The following XIRP2 variants were observed in gnomAD, a reference collection of about 807,000 sequenced individuals.
The protein encoded by XIRP2 is xin actin binding repeat containing 2, also known as xin actin-binding repeat-containing protein 2.
Under a neutral mutation model 277.0 loss-of-function variants are expected in XIRP2, and 236 were observed. That is an observed-to-expected ratio of 0.85 (90% CI 0.77 to 0.95). The LOEUF (loss-of-function observed/expected upper bound fraction) is 0.95. Among genes scored for constraint, XIRP2 ranks in the 40% least tolerant of loss-of-function variants. The pLI, the probability that XIRP2 is intolerant of heterozygous loss-of-function variation, is 0.00. For missense variants in XIRP2, 4,640 were observed against 4,157.5 expected (o/e 1.12, Z -3.19); for synonymous variants, 1,490 against 1,416.5 (o/e 1.05, Z -1.17).
chr2:166,911,265 A>G (rs1256479095), intron 2 of XIRP2, among the ~76,000 whole-genome samples: 1 of 152,016 alleles, frequency 6.6e-6, no homozygotes, highest in Non-Finnish European at 1.5e-5. Flanking sequence ...TTTGTAGGTC[A>G]CTCAGGACTT....
intron 2 of XIRP2, among the ~76,000 whole-genome samples, chr2:167,036,857 T>C (rs768174818): frequency 6.6e-6 from 1 of 152,088 alleles, no homozygotes; most frequent in Non-Finnish European, 1.5e-5. Flanking sequence ...CCAGTGATAT[T>C]CTCATGATAG....
intron 2 of XIRP2, among the ~76,000 whole-genome samples, chr2:167,064,486 T>C (rs538685698): frequency 3.9e-5 from 6 of 152,088 alleles, no homozygotes; most frequent in African/African-American, 1.4e-4. Context: ...AAATTATCTT[T>C]TAATTTTATT....
chr2:167,175,174 A>G (rs540126142), intron 3 of XIRP2, among the ~76,000 whole-genome samples: 2 of 152,090 alleles, frequency 1.3e-5, no homozygotes, highest in Admixed American at 1.3e-4. Flanking sequence ...TACTATTGAC[A>G]GTGGGGTGCT....
chr2:166,890,478 G>C (rs1684074535), intron 1 of XIRP2, among the ~76,000 whole-genome samples: 1 of 152,102 alleles, frequency 6.6e-6, no homozygotes, highest in Admixed American at 6.6e-5. Flanking sequence ...GCACAGAAAA[G>C]GTGAGAACCA....
chr2:166,947,643 A>G (rs1194651366), intron 2 of XIRP2, among the ~76,000 whole-genome samples: 1 of 152,068 alleles, frequency 6.6e-6, no homozygotes, highest in Non-Finnish European at 1.5e-5. Context: ...AGGACCTTTC[A>G]TTTGTTGCTG....
chr2:167,107,168 T>G (rs1275849259), intron 2 of XIRP2, among the ~76,000 whole-genome samples: 2 of 151,758 alleles, frequency 1.3e-5, no homozygotes, highest in Non-Finnish European at 3.0e-5. Context: ...ACCTTTTCAA[T>G]ATTTATGTTT....
At chr2:167,144,445 G>A (rs1691809572) in intron 3 of XIRP2, among the ~76,000 whole-genome samples, 1 of 151,804 alleles carries the variant, frequency 6.6e-6, no homozygotes. Context: ...ACTTTGTACT[G>A]GCTAAGACAA....
intron 2 of XIRP2, among the ~76,000 whole-genome samples, chr2:167,130,833 T>TCTGAA (rs1691352096): frequency 1.3e-5 from 2 of 152,102 alleles, no homozygotes; most frequent in Admixed American, 1.3e-4. Context: ...CTGGCTGAAG[T>TCTGAA]CAGCTATATA....
intron 3 of XIRP2, among the ~76,000 whole-genome samples, chr2:167,155,203 T>G (rs2105335264): frequency 6.6e-6 from 1 of 150,650 alleles, no homozygotes; most frequent in East Asian, 1.9e-4. Context: ...CTGAAACTAT[T>G]CCAATCAATA....
intron 2 of XIRP2, among the ~76,000 whole-genome samples, chr2:167,035,084 C>A (rs188242084): frequency 6.0e-4 from 91 of 152,298 alleles, no homozygotes; most frequent in African/African-American, 1.7e-3. Context: ...GCCTCCCCAG[C>A]CATGTGGAAC....
At chr2:167,133,220 C>A (rs1691437984) in intron 2 of XIRP2, among the ~76,000 whole-genome samples, 1 of 152,170 alleles carries the variant, frequency 6.6e-6, no homozygotes, top group Admixed American at 6.5e-5. Context: ...CAAAGTAAAT[C>A]TTTTGTGGAA....
intron 2 of XIRP2, among the ~76,000 whole-genome samples, chr2:167,081,169 G>A (rs1369340787): frequency 6.6e-6 from 1 of 152,090 alleles, no homozygotes. Flanking sequence ...CCAATGGAAA[G>A]GAATTGAAAT....
chr2:167,232,457 A>G (rs1465938826), intron 5 of XIRP2, among the ~76,000 whole-genome samples: 1 of 151,774 alleles, frequency 6.6e-6, no homozygotes, highest in Admixed American at 6.6e-5. Context: ...AAAAATGTAC[A>G]TATTGGGAGA....
chr2:166,940,397 T>C (rs1482102825), intron 2 of XIRP2, among the ~76,000 whole-genome samples: 1 of 152,232 alleles, frequency 6.6e-6, no homozygotes, highest in Non-Finnish European at 1.5e-5. Flanking sequence ...TTGAACTTCC[T>C]CCTTTAGCTT....
At chr2:166,917,169 G>A (rs1004569827) in intron 2 of XIRP2, among the ~76,000 whole-genome samples, 22 of 152,108 alleles carry the variant, frequency 1.4e-4, no homozygotes, top group Non-Finnish European at 1.5e-5. Flanking sequence ...TTATACATCT[G>A]ACAACACCTT....
At chr2:167,134,126 T>C (rs1343638493) in intron 2 of XIRP2, among the ~76,000 whole-genome samples, 1 of 151,878 alleles carries the variant, frequency 6.6e-6, no homozygotes, top group African/African-American at 2.4e-5. Flanking sequence ...TATATGTGTA[T>C]ATATGTGTAT....
At chr2:167,118,343 G>C (rs1195807517) in intron 2 of XIRP2, among the ~76,000 whole-genome samples, 1 of 151,928 alleles carries the variant, frequency 6.6e-6, no homozygotes, top group Non-Finnish European at 1.5e-5. Flanking sequence ...TTAGCCAGGC[G>C]TGGTGGCATA....
At chr2:167,203,257 A>G (rs1693771591) in intron 3 of XIRP2, among the ~76,000 whole-genome samples, 1 of 152,224 alleles carries the variant, frequency 6.6e-6, no homozygotes, top group South Asian at 2.1e-4. Flanking sequence ...TTCCTCTAAC[A>G]GGCAACTGGA....
chr2:167,019,536 C>T (rs1337647802), intron 2 of XIRP2, among the ~76,000 whole-genome samples: 8 of 151,908 alleles, frequency 5.3e-5, no homozygotes. Context: ...AGAAGAAAAT[C>T]ACAGTGAAAA....
Sources: gnomAD v4.1 joint callset for allele counts (sites outside exome capture counted in the v4.1 genomes callset) on GRCh38, gnomAD v4.1.1 for gene constraint, MANE v1.5 for transcripts, NCBI Gene and HGNC (gene_info 2026-07-23, HGNC 2026-07-21) for gene names.